The following FGFR2 variants were observed in gnomAD, a reference collection of about 807,000 sequenced individuals.
FGFR2 encodes BEK fibroblast growth factor receptor.
A neutral mutation model predicts 95.9 loss-of-function variants in FGFR2; 19 were observed. That is an observed-to-expected ratio of 0.20 (90% CI 0.14 to 0.29). The LOEUF (loss-of-function observed/expected upper bound fraction) is 0.29, where lower values mean the gene tolerates loss of function less well. FGFR2 is among the 10% of genes least tolerant of loss of function. The probability of loss-of-function intolerance (pLI) is 1.00; values close to 1 mark genes in which losing one functional copy is unlikely to be tolerated. For synonymous variants in FGFR2, 392 were observed against 393.3 expected, an observed-to-expected ratio of 1.00 and a Z score of 0.04; for missense variants, 707 against 1,056.9, an observed-to-expected ratio of 0.67 and a Z score of 4.59.
Position 121,562,287 on chromosome 10 carries a change from T to G in FGFR2, c.454+2215A>C, listed in dbSNP as rs192691743. 9.4e-3 allele frequency among the ~76,000 whole-genome samples: 1,428 copies of G among 151,926 alleles called. 13 individuals are homozygous for G. The highest frequency in any genetic ancestry group is 0.031 in the Middle Eastern group (9 of 294). On this transcript the variant is annotated intron_variant, in intron 4 of 17. Transcript: ENST00000358487. ...AAACTTGGAAGCAACAGAGTTTGTTTTTTTTTTTTTTGAGATGGAGTCTCA... is the reference window on the plus strand; with the variant it reads ...AAACTTGGAAGCAACAGAGTTTGTTGTTTTTTTTTTTGAGATGGAGTCTCA...
chr10:121,582,738 G>A (rs1046010191), intron 2 of FGFR2, among the ~76,000 whole-genome samples: 1 of 152,022 alleles, frequency 6.6e-6, no homozygotes, highest in South Asian at 2.1e-4. Flanking sequence ...ATCCAAGATC[G>A]CACCACTGCA....
chr10:121,567,226 C>T (rs1857806236), intron 2 of FGFR2, among the ~76,000 whole-genome samples: 1 of 152,196 alleles, frequency 6.6e-6, no homozygotes, highest in African/African-American at 2.4e-5. Context: ...GACAAGAAAT[C>T]CCCCTCACCA....
rs539953040 is a variant in FGFR2 at position 121,547,618 on chromosome 10, T to A, written c.624+3672A>T. Among the ~76,000 whole-genome samples, 5 of 152,132 alleles carry A rather than the reference T, an allele frequency of 3.3e-5. No homozygotes were observed. The South Asian group carries it at 1.0e-3, about 32-fold the overall frequency. On this transcript the variant is annotated intron_variant, in intron 5 of 17. Coordinates refer to ENST00000358487, the MANE Select transcript of FGFR2 (RefSeq NM_000141.5). The stretch of plus-strand genomic sequence containing the variant: ...CACTATGTTGCCTAAGTTGGTCTTG[T>A]GCTCCTGGCCTCATATGATCCTCCT...
At chr10:121,592,478 G>A (rs754462816) in intron 2 of FGFR2, among the ~76,000 whole-genome samples, 42 of 152,114 alleles carry the variant, frequency 2.8e-4, no homozygotes, top group Middle Eastern at 6.3e-3. Flanking sequence ...TCTGTGTAAC[G>A]AAAAGTTCCC....
At chr10:121,483,610 A>C in intron 17 of FGFR2, 88 bp downstream of exon 17, 1 of 935,924 alleles carries the variant, frequency 1.1e-6, no homozygotes, top group Non-Finnish European at 1.7e-6. Flanking sequence ...ACTCCAACCA[A>C]CAGCCAACAG....
At chr10:121,539,848 G>T (rs545472405) in intron 5 of FGFR2, among the ~76,000 whole-genome samples, 3 of 152,298 alleles carry the variant, frequency 2.0e-5, no homozygotes, top group African/African-American at 7.2e-5. Context: ...AGAGAATAAA[G>T]AAAATCATCT....
At chr10:121,487,047 A>C (rs894903712) in intron 15 of FGFR2, among the ~76,000 whole-genome samples, 1 of 152,240 alleles carries the variant, frequency 6.6e-6, no homozygotes, top group South Asian at 2.1e-4. Flanking sequence ...AGAACATGCC[A>C]AGAGCTTGGC....
intron 2 of FGFR2, among the ~76,000 whole-genome samples, chr10:121,590,967 GCACGCACGCACGCGCACT>G (rs1180927950): frequency 2.0e-5 from 3 of 151,850 alleles, no homozygotes; most frequent in African/African-American, 7.3e-5. Context: ...GCACAGGCAC[GCACGCACGCACGCGCACT>G]CGCGCACACA....
At chr10:121,549,059 C>T (rs1854990279) in intron 5 of FGFR2, among the ~76,000 whole-genome samples, 1 of 152,160 alleles carries the variant, frequency 6.6e-6, no homozygotes, top group African/African-American at 2.4e-5. Flanking sequence ...TTCAACAGTA[C>T]CCACCTGCTA....
At chr10:121,549,851 G>A (rs1370085213) in intron 5 of FGFR2, among the ~76,000 whole-genome samples, 1 of 152,170 alleles carries the variant, frequency 6.6e-6, no homozygotes, top group East Asian at 1.9e-4. Context: ...TTACAGTCCT[G>A]TGAGACAGCT....
chr10:121,510,067 G>A (rs1848854066), intron 9 of FGFR2, among the ~76,000 whole-genome samples: 1 of 152,116 alleles, frequency 6.6e-6, no homozygotes, highest in Admixed American at 6.5e-5. Context: ...CAAACAAAAT[G>A]CTTTCACCAC....
intron 2 of FGFR2, among the ~76,000 whole-genome samples, chr10:121,575,221 T>C (rs548053277): frequency 1.3e-5 from 2 of 152,326 alleles, no homozygotes; most frequent in South Asian, 2.1e-4. Context: ...TTGTTGCCCA[T>C]GAGAAAATAA....
At chr10:121,558,203 A>G (rs1856449156) in intron 4 of FGFR2, among the ~76,000 whole-genome samples, 1 of 152,266 alleles carries the variant, frequency 6.6e-6, no homozygotes, top group African/African-American at 2.4e-5. Context: ...CAGATAACCC[A>G]TTAACATACC....
At chr10:121,497,130 CAAAAAAAAAA>C (rs35537265) in intron 12 of FGFR2, among the ~76,000 whole-genome samples, 4 of 91,454 alleles carry the variant, frequency 4.4e-5, no homozygotes, top group Non-Finnish European at 4.7e-5. Flanking sequence ...GACTTTGTCT[CAAAAAAAAAA>C]AAAAAAAAAG....
intron 11 of FGFR2, among the ~76,000 whole-genome samples, chr10:121,499,692 G>C (rs1362842598): frequency 3.3e-5 from 5 of 152,342 alleles, no homozygotes; most frequent in Admixed American, 1.3e-4. Context: ...TGAGAAGCCT[G>C]GGTCCTCCCC....
At chr10:121,558,482 T>A (rs1856494404) in intron 4 of FGFR2, among the ~76,000 whole-genome samples, 1 of 152,224 alleles carries the variant, frequency 6.6e-6, no homozygotes, top group African/African-American at 2.4e-5. Context: ...AGTCAGCTGC[T>A]AAAATATGAC....
rs1318113075 is a variant in FGFR2 at position 121,485,324 on chromosome 10, A to G, written c.2195+71T>C. 2.5e-6 allele frequency: 4 copies of G among 1,605,688 alleles called. No individual in the cohort carries two copies. In the South Asian group the frequency reaches 4.4e-5, roughly 18 times the overall value. The stretch of plus-strand genomic sequence containing the variant: ...GAAACCAGGGGCCTTCAAAAACGAG[A>G]TACATCAGGAGAGGTATTACTGGTG... On this transcript the variant is annotated intron_variant, in intron 16 of 17. Coordinates refer to ENST00000358487, the MANE Select transcript of FGFR2 (RefSeq NM_000141.5). The surrounding 1 kb of genome is among the most constrained non-coding windows in gnomAD (Gnocchi z 4.2).
At chr10:121,590,977 A>G (rs1862544916) in intron 2 of FGFR2, among the ~76,000 whole-genome samples, 2 of 151,732 alleles carry the variant, frequency 1.3e-5, no homozygotes, top group South Asian at 2.1e-4. Flanking sequence ...GCACGCACGC[A>G]CGCGCACTCG....
At chr10:121,546,845 A>C (rs572219562) in intron 5 of FGFR2, among the ~76,000 whole-genome samples, 4 of 152,222 alleles carry the variant, frequency 2.6e-5, no homozygotes, top group Non-Finnish European at 5.9e-5. Context: ...GAAATAACAC[A>C]CATTTGTTTG....
Sources: gnomAD v4.1 joint callset for allele counts (sites outside exome capture counted in the v4.1 genomes callset) on GRCh38, gnomAD v4.1.1 for gene constraint, Gnocchi (gnomAD v3.1) non-coding constraint, MANE v1.5 for transcripts, NCBI Gene and HGNC (gene_info 2026-07-23, HGNC 2026-07-21) for gene names.